Variants in GPR137 observed in about 807,000 individuals in gnomAD.
GPR137 encodes the protein G protein-coupled receptor 137.
Under a neutral mutation model 38.9 loss-of-function variants are expected in GPR137, and 20 were observed. The observed-to-expected ratio is 0.51, with a 90% confidence interval of 0.36 to 0.75. The LOEUF is 0.75. GPR137 is among the 30% of genes least tolerant of loss of function. The pLI is 0.00. For missense variants in GPR137, 456 were observed against 526.4 expected (o/e 0.87, Z 1.31); for synonymous variants, 226 against 235.8 (o/e 0.96, Z 0.38).
chr11:64,284,655 G>C (rs937954688), upstream of GPR137: 22 of 1,533,862 alleles, frequency 1.4e-5, no homozygotes, highest in Non-Finnish European at 1.8e-5. Flanking sequence ...CGAGGCCCCT[G>C]ACCCGGGCCT....
chr11:64,271,748 C>T (rs370969520), upstream of GPR137: 362 of 1,451,612 alleles, frequency 2.5e-4, 1 homozygote, highest in Admixed American at 1.2e-3. Context: ...CTTCGTCGTC[C>T]TCCGTCCCCG....
chr11:64,276,669 C>G (rs2135116664), intron 2 of GPR137: 1 of 518,528 alleles, frequency 1.9e-6, no homozygotes, highest in Admixed American at 3.6e-5. Context: ...CAGGGAAAAA[C>G]CCTGGGGGAG....
chr11:64,279,568 C>G (rs1385970870), upstream of GPR137, among the ~76,000 whole-genome samples: 1 of 151,690 alleles, frequency 6.6e-6, no homozygotes, highest in Non-Finnish European at 1.5e-5. Context: ...AATTCGAGAC[C>G]AGCCTGGCCA....
upstream of GPR137, chr11:64,284,843 C>T (rs2033772795): frequency 8.0e-6 from 12 of 1,508,466 alleles, no homozygotes; most frequent in Non-Finnish European, 8.8e-6. Context: ...ATCCTTTTTC[C>T]TCCCTCCTTC....
chr11:64,281,225 C>G (rs1455356588), upstream of GPR137, among the ~76,000 whole-genome samples: 2 of 152,210 alleles, frequency 1.3e-5, no homozygotes. Context: ...CTCGAACTAC[C>G]AAAGTGCTGG....
upstream of GPR137, chr11:64,271,869 T>G: frequency 7.9e-7 from 1 of 1,265,344 alleles, no homozygotes; most frequent in East Asian, 3.1e-5. Flanking sequence ...TGGCCCTGCC[T>G]GAACCCTCCC....
upstream of GPR137, chr11:64,275,673 G>T (rs957500797): frequency 6.6e-6 from 1 of 152,096 alleles, no homozygotes; most frequent in African/African-American, 2.4e-5. Flanking sequence ...TAAATACGCA[G>T]GAAACGGCAG....
At chr11:64,280,515 C>CCAA (rs2033394204), upstream of GPR137, among the ~76,000 whole-genome samples, 1 of 147,530 alleles carries the variant, frequency 6.8e-6, no homozygotes, top group Admixed American at 6.7e-5. Flanking sequence ...CCACGCCCGG[C>CCAA]TAATTTTTTG....
chr11:64,285,422 G>A, upstream of GPR137: 1 of 984,268 alleles, frequency 1.0e-6, no homozygotes, highest in Non-Finnish European at 1.2e-6. Flanking sequence ...GGGCGGGCCC[G>A]CGCGGGGGAT....
At chr11:64,275,524 C>T (rs1191957051), upstream of GPR137, among the ~76,000 whole-genome samples, 2 of 152,128 alleles carry the variant, frequency 1.3e-5, no homozygotes, top group African/African-American at 2.4e-5. Flanking sequence ...AGCCCCCTAC[C>T]GGCCCCTCAT....
chr11:64,284,677 C>A (rs1195667355), upstream of GPR137: 2 of 1,535,516 alleles, frequency 1.3e-6, no homozygotes, highest in East Asian at 4.9e-5. Flanking sequence ...CCGCCTCCCT[C>A]CAGCACCCCG....
chr11:64,287,056 G>A, intron 2 of GPR137, 42 bp downstream of exon 2: 1 of 1,601,338 alleles, frequency 6.2e-7, no homozygotes, highest in African/African-American at 1.3e-5. Context: ...TCCAGGTCAG[G>A]GGCAGGTGAC....
upstream of GPR137, among the ~76,000 whole-genome samples, chr11:64,273,458 A>G (rs1295874701): frequency 6.6e-6 from 1 of 152,208 alleles, no homozygotes; most frequent in East Asian, 1.9e-4. Context: ...AGGCCCGCCT[A>G]CTATGGTCTA....
chr11:64,288,887 G>A lies in GPR137; in HGVS notation c.1032-150G>A, dbSNP rs1368142650. ...GGTCCCCTGGGTTCCTATTGCTAAA[G>A]CCTCCACCTCTTGCCTAGAGATGTA... On this transcript the variant is annotated intron_variant, in intron 6 of 6. Coordinates refer to ENST00000438980, the MANE Select transcript of GPR137 (RefSeq NM_001170880.2). The surrounding 1 kb of genome is among the most constrained non-coding windows in gnomAD (Gnocchi z 5.5). 30 of 1,439,696 alleles carry A rather than the reference G, an allele frequency of 2.1e-5. No individual in the cohort carries two copies. The highest frequency in any genetic ancestry group is 2.6e-5 in the Non-Finnish European group (29 of 1,101,848). 89.2% of individuals were successfully genotyped at this position (1,439,696 alleles called of 1,614,324 possible).
At chr11:64,275,015 A>AAAAAAAAAAT (rs2032952440), upstream of GPR137, among the ~76,000 whole-genome samples, 1 of 139,532 alleles carries the variant, frequency 7.2e-6, no homozygotes, top group African/African-American at 2.6e-5. Flanking sequence ...AAAAAAAAAA[A>AAAAAAAAAAT]GCGAGTAAGG....
At chr11:64,284,712 CA>C (rs748056064), upstream of GPR137, 748 of 1,535,974 alleles carry the variant, frequency 4.9e-4, no homozygotes, top group Non-Finnish European at 6.0e-4. Context: ...GTTGCTTGGG[CA>C]ACGGGAACTG....
chr11:64,275,208 T>G, upstream of GPR137, among the ~76,000 whole-genome samples: 1 of 150,074 alleles, frequency 6.7e-6, no homozygotes, highest in East Asian at 2.0e-4. Flanking sequence ...AGATTACAGA[T>G]GACAGCCAGG....
At position 64,286,560 on chromosome 11, in the gene GPR137, C is replaced by T; in HGVS notation, c.36C>T (p.Ala12=). The T allele has an allele frequency of 1.2e-6, 2 of 1,612,782 alleles. No individual in the cohort carries two copies. Among genetic ancestry groups the T allele is most frequent in the Non-Finnish European group, 1.7e-6 (2 of 1,179,108 alleles). ...ACCTGTCTGGCCTGGTGCCTGCTGC[C>T]GGGCTGGTGCCTGCGCTGCCACCTG... ...ESNLSGLVPA[A]GLVPALPPAV... Residue 12 remains alanine, a synonymous_variant, in exon 1 of 7, where the codon GCC becomes GCT. Transcript: ENST00000438980.
At chr11:64,281,075 C>A (rs1225986613), upstream of GPR137, among the ~76,000 whole-genome samples, 1 of 152,124 alleles carries the variant, frequency 6.6e-6, no homozygotes, top group African/African-American at 2.4e-5. Context: ...TCACGCCATT[C>A]TCCTGCCTCA....
Sources: allele counts gnomAD v4.1 joint callset (sites outside exome capture counted in the v4.1 genomes callset), GRCh38; gene constraint gnomAD v4.1.1; non-coding constraint Gnocchi (gnomAD v3.1); transcripts MANE v1.5; gene names NCBI Gene and HGNC (gene_info 2026-07-23, HGNC 2026-07-21).